Variants in MDFIC2 observed in about 807,000 individuals in gnomAD.
The protein encoded by MDFIC2 is MyoD family inhibitor domain containing 2.
chr3:70,305,780 T>C (rs1383927542), intron 2 of MDFIC2, among the ~76,000 whole-genome samples: 2 of 152,246 alleles, frequency 1.3e-5, no homozygotes, highest in Non-Finnish European at 2.9e-5. Context: ...TTTATGAATG[T>C]CAATAAATGT....
intron 3 of MDFIC2, among the ~76,000 whole-genome samples, chr3:70,198,465 A>G (rs1484729483): frequency 6.6e-6 from 1 of 152,214 alleles, no homozygotes; most frequent in Admixed American, 6.5e-5. Context: ...AAAAATATGG[A>G]AACTTCCTAT....
At chr3:70,310,486 C>T (rs555633064) in intron 2 of MDFIC2, among the ~76,000 whole-genome samples, 4 of 152,056 alleles carry the variant, frequency 2.6e-5, no homozygotes, top group Admixed American at 2.6e-4. Flanking sequence ...CTGCCTCAGC[C>T]TCCTGAGTAG....
chr3:70,281,993 T>C (rs1419845305), intron 2 of MDFIC2, among the ~76,000 whole-genome samples: 1 of 152,186 alleles, frequency 6.6e-6, no homozygotes, highest in African/African-American at 2.4e-5. Context: ...GAAGTCCACC[T>C]GGACAGACAC....
At chr3:70,204,940 T>C (rs768228643) in intron 3 of MDFIC2, 23 of 152,096 alleles carry the variant, frequency 1.5e-4, no homozygotes, top group Non-Finnish European at 2.4e-4. Flanking sequence ...TTTGATAAAA[T>C]GCTGTAGCAT....
At chr3:70,243,477 T>C (rs1400130130) in intron 2 of MDFIC2, among the ~76,000 whole-genome samples, 2 of 152,194 alleles carry the variant, frequency 1.3e-5, no homozygotes, top group South Asian at 2.1e-4. Context: ...ACTGCACTGC[T>C]GCTGAATGTG....
intron 3 of MDFIC2, among the ~76,000 whole-genome samples, chr3:70,198,100 G>A (rs13064328): frequency 0.14 from 21,962 of 152,114 alleles, 2,304 homozygotes; most frequent in East Asian, 0.55. Flanking sequence ...AAATGTGTGA[G>A]TGCTTTGTAA....
At chr3:70,306,910 A>G (rs767576854) in intron 2 of MDFIC2, among the ~76,000 whole-genome samples, 7 of 152,182 alleles carry the variant, frequency 4.6e-5, no homozygotes, top group Non-Finnish European at 7.3e-5. Context: ...ATATGCATAT[A>G]TATGTACATA....
At chr3:70,241,142 T>A (rs890897993) in intron 2 of MDFIC2, among the ~76,000 whole-genome samples, 1 of 152,172 alleles carries the variant, frequency 6.6e-6, no homozygotes, top group African/African-American at 2.4e-5. Flanking sequence ...TACGGGCTGA[T>A]AAATTTATCA....
At chr3:70,281,623 G>A (rs1003219208) in intron 2 of MDFIC2, among the ~76,000 whole-genome samples, 2 of 152,006 alleles carry the variant, frequency 1.3e-5, no homozygotes, top group African/African-American at 2.4e-5. Context: ...GAATCTAAAC[G>A]TCTGATATTT....
At chr3:70,260,655 TCAGACTGCCCTCTTTATA>T (rs1701857641) in intron 2 of MDFIC2, among the ~76,000 whole-genome samples, 1 of 152,052 alleles carries the variant, frequency 6.6e-6, no homozygotes, top group Non-Finnish European at 1.5e-5. Context: ...ACAACTTCTG[TCAGACTGCCCTCTTTATA>T]CAGCTGTTCT....
At chr3:70,292,264 A>G (rs982827826) in intron 2 of MDFIC2, among the ~76,000 whole-genome samples, 2 of 152,132 alleles carry the variant, frequency 1.3e-5, no homozygotes, top group Non-Finnish European at 2.9e-5. Flanking sequence ...ATTTTTACTC[A>G]TTGATAACAA....
chr3:70,310,523 A>T (rs1284079642), intron 2 of MDFIC2, among the ~76,000 whole-genome samples: 3 of 151,862 alleles, frequency 2.0e-5, no homozygotes, highest in Non-Finnish European at 2.9e-5. Context: ...GTGCCACCAC[A>T]TCTGACTGAT....
chr3:70,286,680 C>T (rs1229334304), intron 2 of MDFIC2, among the ~76,000 whole-genome samples: 1 of 152,054 alleles, frequency 6.6e-6, no homozygotes, highest in Admixed American at 6.6e-5. Context: ...ATTGATTCTT[C>T]CTACCCATGA....
chr3:70,198,332 T>C (rs955189482), intron 3 of MDFIC2, among the ~76,000 whole-genome samples: 1 of 152,084 alleles, frequency 6.6e-6, no homozygotes, highest in Non-Finnish European at 1.5e-5. Flanking sequence ...CAATGGGGAG[T>C]ATATAAGCAT....
chr3:70,279,048 T>C (rs1702055786), intron 2 of MDFIC2, among the ~76,000 whole-genome samples: 1 of 150,542 alleles, frequency 6.6e-6, no homozygotes, highest in Non-Finnish European at 1.5e-5. Context: ...CTTGTCAAGC[T>C]TTCTCCCTTT....
chr3:70,275,263 C>T (rs572093395), intron 2 of MDFIC2, among the ~76,000 whole-genome samples: 15 of 152,270 alleles, frequency 9.9e-5, no homozygotes, highest in African/African-American at 3.6e-4. Context: ...TGGCTTACAC[C>T]TGTAATCTCA....
At chr3:70,273,712 A>G (rs1213004835) in intron 2 of MDFIC2, among the ~76,000 whole-genome samples, 51 of 152,262 alleles carry the variant, frequency 3.3e-4, no homozygotes, top group Admixed American at 3.3e-3. Context: ...GGCAGGCATT[A>G]CTAATCAATC....
intron 2 of MDFIC2, among the ~76,000 whole-genome samples, chr3:70,267,731 T>C (rs1390946463): frequency 6.6e-6 from 1 of 152,106 alleles, no homozygotes; most frequent in Non-Finnish European, 1.5e-5. Flanking sequence ...TAGCATTTTT[T>C]AATGGCAGCT....
chr3:70,286,305 T>C (rs1702161960), intron 2 of MDFIC2, among the ~76,000 whole-genome samples: 1 of 152,234 alleles, frequency 6.6e-6, no homozygotes, highest in African/African-American at 2.4e-5. Flanking sequence ...GCACCGTTTA[T>C]TAAATAGGGA....
Sources: allele counts gnomAD v4.1 joint callset (sites outside exome capture counted in the v4.1 genomes callset), GRCh38; gene constraint gnomAD v4.1.1; transcripts MANE v1.5; gene names NCBI Gene and HGNC (gene_info 2026-07-23, HGNC 2026-07-21).